CLSTN1: variants seen among roughly 807,000 people sequenced by gnomAD.
The protein encoded by CLSTN1 is calsyntenin 1.
A neutral mutation model predicts 108.3 loss-of-function variants in CLSTN1; 28 were observed. That is an observed-to-expected ratio of 0.26 (90% CI 0.19 to 0.35). The LOEUF (loss-of-function observed/expected upper bound fraction) is 0.35. CLSTN1 is among the 10% of genes least tolerant of loss of function. The pLI is 1.00. For synonymous variants in CLSTN1, 524 were observed against 534.9 expected (o/e 0.98, Z 0.28); for missense variants, 1,157 against 1,302.6 (o/e 0.89, Z 1.72).
chr1:9,749,520 T>C lies in CLSTN1; in HGVS notation c.926A>G (p.His309Arg). 2 of 1,614,184 alleles carry C rather than the reference T, an allele frequency of 1.2e-6. No homozygotes were observed. Among genetic ancestry groups the C allele is most frequent in the Non-Finnish European group, 1.7e-6 (2 of 1,180,030 alleles). ...GTCTCGGTCGCAGCCTTTCCCTATGTGGCTGGTTTCTAGCTCCACTGTGGC... is the reference window on the plus strand; with the variant it reads ...GTCTCGGTCGCAGCCTTTCCCTATGCGGCTGGTTTCTAGCTCCACTGTGGC... Reference protein sequence around the residue: ...VQATVELETSHIGKGCDRDTY... With the variant: ...VQATVELETSRIGKGCDRDTY... Residue 309 changes from histidine (H) to arginine (R), a missense_variant, in exon 7 of 19, where the codon CAC (histidine) becomes CGC (arginine). Physicochemically the swap from His to Arg is conservative, Grantham distance 29 (BLOSUM62 0). Coordinates refer to ENST00000377298, the MANE Select transcript of CLSTN1 (RefSeq NM_001009566.3).
intron 2 of CLSTN1, among the ~76,000 whole-genome samples, chr1:9,764,487 AT>A (rs961900778): frequency 6.6e-6 from 1 of 152,014 alleles, no homozygotes; most frequent in Non-Finnish European, 1.5e-5. Flanking sequence ...AAATACAAAA[AT>A]TAGCCAGGTA....
Position 9,734,107 on chromosome 1 carries a change from C to T in CLSTN1, c.2146G>A (p.Asp716Asn), listed in dbSNP as rs201194236. ...ACCGTGACCTCACAGGTATCCAGGTCGTGCACGATCTCCTCGGACACCAGT... is the reference window on the plus strand; with the variant it reads ...ACCGTGACCTCACAGGTATCCAGGTTGTGCACGATCTCCTCGGACACCAGT... ...ESLVSEEIVH[D>N]LDTCEVTVEG... The change falls in exon 15 of 19, where the codon GAC becomes AAC. Residue 716 changes from aspartate (D) to asparagine (N), a missense_variant. Coordinates refer to ENST00000377298, the MANE Select transcript of CLSTN1 (RefSeq NM_001009566.3). The surrounding 1 kb of genome is among the most constrained non-coding windows in gnomAD (Gnocchi z 4.8). 6.7e-5 allele frequency: 108 copies of T among 1,614,002 alleles called. No individual in the cohort carries two copies. Among genetic ancestry groups the T allele is most frequent in the East Asian group, 6.7e-5 (3 of 44,874 alleles).
intron 15 of CLSTN1, among the ~76,000 whole-genome samples, 188 bp from the exon 16 acceptor site, chr1:9,733,734 G>A (rs1650529921): frequency 1.3e-5 from 2 of 152,160 alleles, no homozygotes; most frequent in Admixed American, 1.3e-4. Flanking sequence ...CTCTGTGGGG[G>A]ACGTGTCATC....
intron 2 of CLSTN1, among the ~76,000 whole-genome samples, chr1:9,771,107 T>C (rs930119340): frequency 2.0e-5 from 3 of 152,316 alleles, no homozygotes; most frequent in African/African-American, 4.8e-5. Context: ...AAGGAGGACC[T>C]GAGGGAGCAA....
At chr1:9,794,037 GTTCAATAAACTAA>G (rs1382785534) in intron 1 of CLSTN1, among the ~76,000 whole-genome samples, 6 of 151,482 alleles carry the variant, frequency 4.0e-5, no homozygotes, top group Middle Eastern at 3.4e-3. Context: ...TGGCCATTTA[GTTCAATAAACTAA>G]TTGGAGGGGG....
intron 1 of CLSTN1, among the ~76,000 whole-genome samples, chr1:9,789,220 T>C (rs1339152327): frequency 3.3e-5 from 5 of 151,320 alleles, no homozygotes; most frequent in African/African-American, 4.8e-5. Flanking sequence ...GGTGATTCTA[T>C]CTTTAGGGTG....
At chr1:9,776,267 G>A (rs1294807521) in intron 1 of CLSTN1, among the ~76,000 whole-genome samples, 2 of 151,960 alleles carry the variant, frequency 1.3e-5, no homozygotes, top group Admixed American at 6.6e-5. Context: ...GCGCCAAGCC[G>A]CTGCCTCCTC....
intron 2 of CLSTN1, among the ~76,000 whole-genome samples, chr1:9,761,947 C>G (rs1183540262): frequency 1.3e-5 from 2 of 152,276 alleles, no homozygotes; most frequent in East Asian, 3.9e-4. Context: ...AGGTGGAAGC[C>G]AAGGCGGCTG....
chr1:9,797,057 A>G (rs1045040026), intron 1 of CLSTN1, among the ~76,000 whole-genome samples: 4 of 152,226 alleles, frequency 2.6e-5, no homozygotes, highest in African/African-American at 9.6e-5. Context: ...TTGGAGTTAA[A>G]TAAAATGCAG....
intron 5 of CLSTN1, 176 bp from the exon 6 acceptor site, chr1:9,750,089 C>A (rs2101107182): frequency 1.7e-6 from 1 of 578,914 alleles, no homozygotes; most frequent in Middle Eastern, 4.3e-4. Context: ...CTAACACGCA[C>A]TAAATCCATC....
chr1:9,823,686 C>A lies in CLSTN1; in HGVS notation c.48G>T (p.Leu16=). ...APALAPAARL[L]LAGLLCGGGV... Reference sequence around the variant, plus strand: ...CGCCGCCGCACAGCAGCCCGGCCAGCAGCAGCCGGGCGGCCGGGGCCAGCG... The same window carrying A: ...CGCCGCCGCACAGCAGCCCGGCCAGAAGCAGCCGGGCGGCCGGGGCCAGCG... The change falls in exon 1 of 19, where the codon CTG becomes CTT. Residue 16 remains leucine, a synonymous_variant. Transcript: ENST00000377298. This position sits in a 1 kb window ranked among gnomAD's most constrained non-coding sequence, Gnocchi z 6.3. 4 of 1,160,690 alleles carry A rather than the reference C, an allele frequency of 3.4e-6. No homozygotes were observed. In the South Asian group the frequency reaches 1.7e-4, roughly 49 times the overall value. The allele number at this position is 1,160,690 out of a possible 1,614,324, so 71.9% of individuals were successfully genotyped here.
intron 1 of CLSTN1, among the ~76,000 whole-genome samples, chr1:9,812,426 G>GA (rs1654798318): frequency 6.6e-6 from 1 of 152,176 alleles, no homozygotes; most frequent in Non-Finnish European, 1.5e-5. Context: ...CAGCTCTGGT[G>GA]AAAATCTCAG....
intron 1 of CLSTN1, among the ~76,000 whole-genome samples, chr1:9,815,435 TGA>T (rs1336508540): frequency 6.6e-6 from 1 of 152,204 alleles, no homozygotes; most frequent in African/African-American, 2.4e-5. Context: ...AGAAATTATA[TGA>T]GAGACAATGG....
At chr1:9,789,689 A>G (rs181319418) in intron 1 of CLSTN1, among the ~76,000 whole-genome samples, 40 of 151,778 alleles carry the variant, frequency 2.6e-4, no homozygotes, top group African/African-American at 9.1e-4. Flanking sequence ...AAGGTAAAAA[A>G]TAAAATAAGC....
At chr1:9,793,864 G>A (rs1653874467) in intron 1 of CLSTN1, among the ~76,000 whole-genome samples, 1 of 151,498 alleles carries the variant, frequency 6.6e-6, no homozygotes, top group Non-Finnish European at 1.5e-5. Flanking sequence ...ATCTTCAGTG[G>A]TACCCACTGC....
chr1:9,772,009 C>CTCTG (rs1652710392), intron 2 of CLSTN1, among the ~76,000 whole-genome samples: 1 of 150,794 alleles, frequency 6.6e-6, no homozygotes. Flanking sequence ...CAGAGTCTCA[C>CTCTG]TCTGTCGCCC....
At chr1:9,742,911 A>T (rs1029177464) in intron 9 of CLSTN1, among the ~76,000 whole-genome samples, 1 of 148,830 alleles carries the variant, frequency 6.7e-6, no homozygotes, top group African/African-American at 2.5e-5. Context: ...GTCTCGGGGG[A>T]AAAAAAAAAG....
chr1:9,776,048 C>G (rs1013026759), intron 1 of CLSTN1, among the ~76,000 whole-genome samples: 2 of 151,720 alleles, frequency 1.3e-5, no homozygotes, highest in Non-Finnish European at 2.9e-5. Context: ...TCTCAGCTCA[C>G]TGCAACCTTC....
chr1:9,748,639 C>T (rs1453518318), intron 7 of CLSTN1, among the ~76,000 whole-genome samples: 6 of 152,138 alleles, frequency 3.9e-5, no homozygotes, highest in African/African-American at 1.2e-4. Context: ...AGGCGTGCAC[C>T]GCCATGCCCG....
Sources: allele counts gnomAD v4.1 joint callset (sites outside exome capture counted in the v4.1 genomes callset), GRCh38; gene constraint gnomAD v4.1.1; non-coding constraint Gnocchi (gnomAD v3.1); transcripts MANE v1.5; gene names NCBI Gene and HGNC (gene_info 2026-07-23, HGNC 2026-07-21).